Variants in CALN1 observed in about 807,000 individuals in gnomAD.
CALN1 encodes the protein calcium-binding protein 8.
A neutral mutation model predicts 30.6 loss-of-function variants in CALN1; 17 were observed. The ratio of observed to expected loss-of-function variants is 0.56; its 90% CI spans 0.38 to 0.83. CALN1 has a LOEUF of 0.83. Among genes scored for constraint, CALN1 ranks in the 40% least tolerant of loss-of-function variants. The pLI is 0.00. For synonymous variants in CALN1, 156 were observed against 131.4 expected (o/e 1.19, Z -1.28); for missense variants, 291 against 354.9 (o/e 0.82, Z 1.45).
chr7:71,846,847 T>A (rs1232855521), intron 5 of CALN1, among the ~76,000 whole-genome samples: 1 of 137,558 alleles, frequency 7.3e-6, no homozygotes, highest in Admixed American at 7.2e-5. Flanking sequence ...GTGTATATAT[T>A]ATATATGTAT....
chr7:71,847,504 C>A (rs940518142), intron 5 of CALN1, among the ~76,000 whole-genome samples: 1 of 150,774 alleles, frequency 6.6e-6, no homozygotes, highest in South Asian at 2.1e-4. Context: ...AAACCAAAAC[C>A]AAAACCAAAA....
intron 5 of CALN1, among the ~76,000 whole-genome samples, chr7:71,863,557 C>CAAAAAAAA (rs71531769): frequency 7.8e-4 from 25 of 32,188 alleles, no homozygotes; most frequent in Admixed American, 2.4e-3. Context: ...AACTCCATCT[C>CAAAAAAAA]AAAAAAAAAA....
chr7:71,932,194 T>G (rs1795590493), intron 5 of CALN1, among the ~76,000 whole-genome samples: 1 of 152,120 alleles, frequency 6.6e-6, no homozygotes, highest in African/African-American at 2.4e-5. Flanking sequence ...AATGTTTTAT[T>G]TATTTATTTA....
At chr7:72,231,892 G>C (rs1289960035) in intron 3 of CALN1, among the ~76,000 whole-genome samples, 1 of 152,148 alleles carries the variant, frequency 6.6e-6, no homozygotes. Flanking sequence ...AAATCAATTT[G>C]TTTAGCAGCA....
chr7:71,883,106 T>G (rs1041320848), intron 5 of CALN1, among the ~76,000 whole-genome samples: 1 of 149,988 alleles, frequency 6.7e-6, no homozygotes, highest in African/African-American at 2.5e-5. Flanking sequence ...ACTATGAGGA[T>G]AGTGATATAT....
At chr7:72,474,331 G>T in the CALN1 span, among the ~76,000 whole-genome samples, 2 of 152,154 alleles carry the variant, frequency 1.3e-5, no homozygotes, top group Non-Finnish European at 2.9e-5. Flanking sequence ...TCCTTGGACA[G>T]ATAGTGAAAC....
intron 2 of CALN1, among the ~76,000 whole-genome samples, chr7:72,282,545 C>T (rs959048714): frequency 2.6e-5 from 4 of 152,190 alleles, no homozygotes; most frequent in African/African-American, 9.7e-5. Context: ...ACTAGCAAGG[C>T]TCTTTTGTCT....
chr7:72,306,437 C>G (rs931265124), intron 2 of CALN1, among the ~76,000 whole-genome samples: 3 of 152,036 alleles, frequency 2.0e-5, no homozygotes, highest in Admixed American at 6.6e-5. Context: ...TTATCTTAAC[C>G]TAAACATTTC....
At chr7:71,916,640 AG>A (rs781615311) in intron 5 of CALN1, among the ~76,000 whole-genome samples, 1 of 152,066 alleles carries the variant, frequency 6.6e-6, no homozygotes, top group Non-Finnish European at 1.5e-5. Flanking sequence ...GGACACAGGG[AG>A]GGGAACAACA....
rs114150762 is a variant in CALN1 at position 72,440,538 on chromosome 7, A to C, written c.-226+6504T>G. Among the ~76,000 whole-genome samples the C allele has an allele frequency of 2.9e-3, 441 of 152,328 alleles. 3 individuals are homozygous for C. Among genetic ancestry groups the C allele is most frequent in the African/African-American group, 0.01 (431 of 41,582 alleles). On this transcript the variant is annotated intron_variant, in intron 1 of 6. Transcript: ENST00000395276. ...TTGTCTCTCAAAATTAAAATAAAAT[A>C]GAATCTGGCCAGACACAGTGGCTCA...
chr7:72,387,228 AAGGGAAGGG>A (rs1805268346), intron 2 of CALN1, among the ~76,000 whole-genome samples: 2 of 74,326 alleles, frequency 2.7e-5, no homozygotes, highest in African/African-American at 5.0e-5. Flanking sequence ...GAAGGGAAGG[AAGGGAAGGG>A]AGGGGAGGGA....
intron 5 of CALN1, among the ~76,000 whole-genome samples, chr7:71,845,299 C>T (rs1350048572): frequency 6.6e-6 from 1 of 152,186 alleles, no homozygotes; most frequent in Non-Finnish European, 1.5e-5. Context: ...TGACGAATTC[C>T]ATTCATCTTT....
intron 1 of CALN1, among the ~76,000 whole-genome samples, chr7:72,405,556 C>A (rs903311605): frequency 6.6e-6 from 1 of 152,158 alleles, no homozygotes; most frequent in African/African-American, 2.4e-5. Flanking sequence ...CAGCACACAC[C>A]CGTACGCCGC....
chr7:72,382,405 G>C (rs6960635), intron 2 of CALN1, among the ~76,000 whole-genome samples: 7 of 152,194 alleles, frequency 4.6e-5, no homozygotes, highest in Middle Eastern at 3.2e-3. Flanking sequence ...AGTTCCCAAA[G>C]AGTGAGTGAC....
At chr7:72,176,739 G>A (rs1789384774) in intron 3 of CALN1, among the ~76,000 whole-genome samples, 1 of 152,178 alleles carries the variant, frequency 6.6e-6, no homozygotes, top group African/African-American at 2.4e-5. Flanking sequence ...CTACAGCATA[G>A]GAAAGCCCAA....
In CALN1 at chr7:71,877,484, T is replaced by G. The variant is rs147485698; in HGVS notation, c.502-66992A>C. On this transcript the variant is annotated intron_variant, in intron 5 of 6. Transcript: ENST00000395275. ...GATAATTTAATAAAGTGGCTACATA[T>G]AAGATAAATATTTAGTTTATATAAT... Among the ~76,000 whole-genome samples, 1,117 of 152,210 alleles carry G rather than the reference T, an allele frequency of 7.3e-3. 13 individuals carry two copies. The highest frequency in any genetic ancestry group is 0.025 in the African/African-American group (1,048 of 41,558).
rs551694371 is a variant in CALN1 at position 72,431,166 on chromosome 7, AT to A, written c.-226+15875del. Among the ~76,000 whole-genome samples, 83 of 152,018 alleles carry A rather than the reference AT, an allele frequency of 5.5e-4. No individual in the cohort carries two copies. In the East Asian group the frequency reaches 0.014, roughly 26 times the overall value. On this transcript the variant is annotated intron_variant, in intron 1 of 6. Coordinates refer to the CALN1 transcript ENST00000395276. ...GCTCGTCTCGAACTCCTGACCTCAA[AT>A]GATCCACTGGCCTCAGCCTCCCAAA...
At chr7:71,943,257 A>G (rs549911630) in intron 5 of CALN1, among the ~76,000 whole-genome samples, 84 of 152,280 alleles carry the variant, frequency 5.5e-4, no homozygotes, top group African/African-American at 1.9e-3. Flanking sequence ...TAAAACACAC[A>G]CGCGAAACAA....
chr7:72,201,738 A>G (rs73141585), intron 3 of CALN1, among the ~76,000 whole-genome samples: 12 of 92,950 alleles, frequency 1.3e-4, no homozygotes, highest in Non-Finnish European at 6.8e-5. Context: ...GAATCTGATT[A>G]AAAAAAAAAA....
Sources: allele counts gnomAD v4.1 joint callset (sites outside exome capture counted in the v4.1 genomes callset), GRCh38; gene constraint gnomAD v4.1.1; transcripts MANE v1.5; gene names NCBI Gene and HGNC (gene_info 2026-07-23, HGNC 2026-07-21).